The following PCF11 variants were observed in gnomAD, a reference collection of about 807,000 sequenced individuals.
PCF11 encodes the protein PCF11 cleavage and polyadenylation factor subunit, also known as pre-mRNA cleavage complex 2 protein Pcf11.
In PCF11, 19 loss-of-function variants were observed where a neutral mutation model predicts 166.1. The observed-to-expected ratio is 0.11, with a 90% CI of 0.08 to 0.17. The LOEUF (loss-of-function observed/expected upper bound fraction) is 0.17. Among genes scored for constraint, PCF11 ranks in the 10% least tolerant of loss-of-function variants. The pLI is 1.00. For missense variants in PCF11, 1,565 were observed against 1,855.5 expected (o/e 0.84, Z 2.88); for synonymous variants, 663 against 644.1 (o/e 1.03, Z -0.44).
intron 9 of PCF11, among the ~76,000 whole-genome samples, chr11:83,172,980 A>G (rs1860738375): frequency 6.6e-6 from 1 of 152,224 alleles, no homozygotes; most frequent in African/African-American, 2.4e-5. Flanking sequence ...TAATTTCTAC[A>G]TGGACAATTA....
chr11:83,181,667 G>C (rs56761262), intron 12 of PCF11, among the ~76,000 whole-genome samples, 187 bp from the exon 13 acceptor site: 8,894 of 151,614 alleles, frequency 0.059, 863 homozygotes, highest in African/African-American at 0.2. Flanking sequence ...TAGAGTTAAT[G>C]GAAAAGATCT....
chr11:83,168,294 C>G, intron 7 of PCF11, 134 bp from the exon 8 acceptor site: 1 of 823,588 alleles, frequency 1.2e-6, no homozygotes, highest in South Asian at 1.9e-5. Flanking sequence ...ATCCTCTTAT[C>G]TGCTGCTTTA....
rs1240370529 is a variant in PCF11 at position 83,177,685 on chromosome 11, G to T, written c.3878-29G>T. On this transcript the variant is annotated intron_variant, in intron 10 of 15. Transcript: ENST00000298281. ...GAGAATACATGGAGAATGGTATTAA[G>T]AAATTTGTATGTCTCTTCTTAATTG... is the stretch of plus-strand genomic sequence containing the variant. The T allele has an allele frequency of 3.3e-6, 4 of 1,227,090 alleles. No homozygotes were observed. In the African/African-American group the frequency reaches 6.0e-5, roughly 18 times the overall value. The allele number at this position is 1,227,090 out of a possible 1,614,324, so 76.0% of individuals were successfully genotyped here.
chr11:83,163,994 A>T, intron 3 of PCF11, 127 bp downstream of exon 3: 1 of 590,818 alleles, frequency 1.7e-6, no homozygotes, highest in South Asian at 2.8e-5. Context: ...TTGAAAAAAA[A>T]AAAAATAGTG....
At chr11:83,173,719 CTTTTTTTT>C (rs869126679) in intron 9 of PCF11, among the ~76,000 whole-genome samples, 2 of 59,060 alleles carry the variant, frequency 3.4e-5, no homozygotes, top group African/African-American at 1.4e-4. Flanking sequence ...TTCTTTCTTT[CTTTTTTTT>C]TTTTTTTTTT....
chr11:83,159,995 GAC>G (rs1860168197), intron 1 of PCF11, among the ~76,000 whole-genome samples: 1 of 152,176 alleles, frequency 6.6e-6, no homozygotes, highest in Non-Finnish European at 1.5e-5. Flanking sequence ...GTAAGGTAAA[GAC>G]ACAGCAGTAA....
chr11:83,169,967 CAGT>C (rs746669597), exon 8 of PCF11: 46 of 1,597,066 alleles, frequency 2.9e-5, no homozygotes, highest in East Asian at 2.2e-5. Flanking sequence ...GCTCCAATGA[CAGT>C]AGGAAATATT....
At chr11:83,171,887 A>C (rs1273898467) in exon 9 of PCF11, 1 of 1,591,546 alleles carries the variant, frequency 6.3e-7, no homozygotes, top group Non-Finnish European at 8.6e-7. Flanking sequence ...TCATCCACAA[A>C]ATCCTGGATT....
intron 9 of PCF11, among the ~76,000 whole-genome samples, chr11:83,172,816 C>A (rs530773096): frequency 7.9e-5 from 12 of 152,278 alleles, no homozygotes; most frequent in African/African-American, 2.6e-4. Context: ...CAGAAACATG[C>A]TTTACTGTAG....
At chr11:83,181,285 TA>T (rs1430534821) in intron 12 of PCF11, 94 bp downstream of exon 12, 3 of 384,858 alleles carry the variant, frequency 7.8e-6, no homozygotes, top group African/African-American at 6.4e-5. Flanking sequence ...AATTTAATTT[TA>T]ATTAAGTAAT....
intron 8 of PCF11, among the ~76,000 whole-genome samples, chr11:83,170,788 A>G (rs1565157334): frequency 6.6e-6 from 1 of 152,194 alleles, no homozygotes; most frequent in Admixed American, 6.5e-5. Flanking sequence ...GATTTATTTT[A>G]TAGTAGTAAG....
chr11:83,177,772 T>C, exon 11 of PCF11: 1 of 1,543,262 alleles, frequency 6.5e-7, no homozygotes, highest in Non-Finnish European at 8.8e-7. Flanking sequence ...AAAATGAAGA[T>C]CAAGATGTTC....
rs529664820 is a variant in PCF11 at position 83,157,666 on chromosome 11, A to G, written c.192+35A>G. ...CACCCCGCAGCCTCCTATTACTTCTAATACTCCCTGATTTTAGTGTCAGCC... is the reference window on the plus strand; with the variant it reads ...CACCCCGCAGCCTCCTATTACTTCTGATACTCCCTGATTTTAGTGTCAGCC... On this transcript the variant is annotated intron_variant, in intron 1 of 15. Transcript: ENST00000298281. 4.4e-6 allele frequency: 7 copies of G among 1,573,394 alleles called. No homozygotes were observed. In the East Asian group the frequency reaches 6.7e-5, roughly 15 times the overall value.
chr11:83,182,266 A>G, intron 13 of PCF11, 133 bp from the exon 14 acceptor site: 2 of 623,382 alleles, frequency 3.2e-6, no homozygotes, highest in Non-Finnish European at 5.7e-6. Flanking sequence ...ATCATACTGT[A>G]TATTGGACAT....
rs1291390605 is a variant in PCF11, at chr11:83,183,079, TTC to T, written c.4452+8_4452+9del. 7.5e-6 allele frequency: 11 copies of T among 1,459,946 alleles called. No individual in the cohort carries two copies. Among genetic ancestry groups the T allele is most frequent in the Admixed American group, 2.0e-5 (1 of 49,670 alleles). 90.4% of individuals were successfully genotyped at this position (1,459,946 alleles called of 1,614,324 possible). On this transcript the variant is annotated splice_region_variant and intron_variant, in intron 15 of 15. Coordinates refer to ENST00000298281, the Ensembl canonical transcript of PCF11. ...GTTATGAAGATTATCAAAATGTAAG[TTC>T]TTTTTGGTTACTGTATTTGTTCTCA...
intron 13 of PCF11, 136 bp downstream of exon 13, chr11:83,182,145 A>G (rs1718563502): frequency 2.5e-6 from 2 of 785,194 alleles, no homozygotes; most frequent in African/African-American, 1.8e-5. Context: ...CTACTCTTCA[A>G]TTTTACTCTT....
At position 83,166,462 on chromosome 11, in the gene PCF11, G is replaced by A. The variant is rs918072355; in HGVS notation, c.1565G>A (p.Arg522His). Residue 522 changes from arginine (R) to histidine (H), a missense_variant, in exon 5 of 16, where the codon CGC (arginine) becomes CAC (histidine). By Grantham distance (29) the Arg-to-His change is conservative. Around this residue, in one of 12 missense-constraint regions of PCF11, gnomAD observed 468 missense variants for 483.4 expected, o/e 0.97. Coordinates refer to ENST00000298281, the Ensembl canonical transcript of PCF11. Reference sequence around the variant, plus strand: ...TCGACACCTAAAGCTGGAAAGATTCGCCAATCTGGAGCTAAGCAGTCACAT... The same window carrying A: ...TCGACACCTAAAGCTGGAAAGATTCACCAATCTGGAGCTAAGCAGTCACAT... 1.1e-5 allele frequency: 17 copies of A among 1,613,922 alleles called. No homozygotes were observed. Among genetic ancestry groups the A allele is most frequent in the Non-Finnish European group, 1.4e-5 (16 of 1,179,846 alleles).
intron 1 of PCF11, among the ~76,000 whole-genome samples, chr11:83,160,483 T>TGGTGG (rs1388067155): frequency 2.0e-5 from 3 of 151,994 alleles, no homozygotes; most frequent in Non-Finnish European, 2.9e-5. Flanking sequence ...TAAAAGCCAG[T>TGGTGG]GGTGGGTAGG....
intron 2 of PCF11, among the ~76,000 whole-genome samples, chr11:83,162,370 AAGT>A (rs1405094035): frequency 6.6e-6 from 1 of 152,246 alleles, no homozygotes; most frequent in Non-Finnish European, 1.5e-5. Flanking sequence ...ATTAGAAAAT[AAGT>A]AGTTGCTATT....
Sources: allele counts gnomAD v4.1 joint callset (sites outside exome capture counted in the v4.1 genomes callset), GRCh38; gene constraint gnomAD v4.1.1; regional missense constraint gnomAD v4.1.1; transcripts MANE v1.5; gene names NCBI Gene and HGNC (gene_info 2026-07-23, HGNC 2026-07-21).